The following KCNH1 variants were observed in gnomAD, a reference collection of about 807,000 sequenced individuals.
The protein encoded by KCNH1 is voltage-gated delayed rectifier potassium channel KCNH1.
Under a neutral mutation model 69.2 loss-of-function variants are expected in KCNH1, and 27 were observed. The observed-to-expected ratio is 0.39, with a 90% CI of 0.29 to 0.54. KCNH1 has a LOEUF of 0.54. Among genes scored for constraint, KCNH1 ranks in the 20% least tolerant of loss-of-function variants. The pLI is 0.68. For missense variants in KCNH1, 798 were observed against 1,261.6 expected (o/e 0.63, Z 5.57); for synonymous variants, 456 against 487.7 (o/e 0.93, Z 0.86).
intron 7 of KCNH1, among the ~76,000 whole-genome samples, chr1:210,814,454 C>T (rs938861028): frequency 1.3e-5 from 2 of 152,088 alleles, no homozygotes; most frequent in Admixed American, 1.3e-4. Context: ...TGTTACCTCA[C>T]TAAGTTTATC....
At chr1:210,857,113 C>A (rs1685866730) in intron 7 of KCNH1, among the ~76,000 whole-genome samples, 6 of 151,560 alleles carry the variant, frequency 4.0e-5, no homozygotes, top group Admixed American at 4.0e-4. Context: ...TTAACAAGAC[C>A]CTCAGGTGAT....
intron 10 of KCNH1, among the ~76,000 whole-genome samples, chr1:210,769,661 G>A (rs928106500): frequency 1.3e-5 from 2 of 152,334 alleles, no homozygotes; most frequent in African/African-American, 2.4e-5. Context: ...ACTGACTGCT[G>A]TTAATTACCT....
intron 5 of KCNH1, among the ~76,000 whole-genome samples, chr1:211,060,863 G>A (rs966609838): frequency 4.6e-5 from 7 of 151,998 alleles, no homozygotes; most frequent in African/African-American, 1.2e-4. Flanking sequence ...ATGGCTTCAC[G>A]CTTAATTTTA....
intron 5 of KCNH1, among the ~76,000 whole-genome samples, chr1:211,053,990 CTGGGCATGG>C (rs1303187643): frequency 1.2e-4 from 19 of 152,094 alleles, no homozygotes; most frequent in Admixed American, 1.0e-3. Flanking sequence ...AGACATTTGG[CTGGGCATGG>C]TGGCTCACAC....
At chr1:210,921,996 G>A (rs927631222) in intron 6 of KCNH1, among the ~76,000 whole-genome samples, 1 of 152,074 alleles carries the variant, frequency 6.6e-6, no homozygotes, top group Admixed American at 6.6e-5. Flanking sequence ...ACGTAGCATA[G>A]CCTTGTCAAT....
chr1:210,994,382 G>A (rs1487755166), intron 6 of KCNH1, among the ~76,000 whole-genome samples: 1 of 152,108 alleles, frequency 6.6e-6, no homozygotes, highest in Non-Finnish European at 1.5e-5. Flanking sequence ...CTTCTCACTA[G>A]TCAAATTGAG....
At chr1:210,840,179 C>T (rs888746096) in intron 7 of KCNH1, among the ~76,000 whole-genome samples, 5 of 152,126 alleles carry the variant, frequency 3.3e-5, no homozygotes, top group African/African-American at 7.2e-5. Flanking sequence ...GTAAAGGCAA[C>T]GTACACACCT....
At chr1:210,797,369 G>T in intron 9 of KCNH1, 139 bp downstream of exon 9, 1 of 927,448 alleles carries the variant, frequency 1.1e-6, no homozygotes, top group Non-Finnish European at 1.7e-6. Flanking sequence ...CCGTTTGATT[G>T]TTGGATAGAT....
intron 8 of KCNH1, among the ~76,000 whole-genome samples, chr1:210,803,321 C>T (rs946688796): frequency 6.6e-6 from 1 of 152,146 alleles, no homozygotes; most frequent in Non-Finnish European, 1.5e-5. Flanking sequence ...AGGCTGGTCT[C>T]AAACTCCTGA....
intron 10 of KCNH1, among the ~76,000 whole-genome samples, chr1:210,731,819 C>G (rs1682754151): frequency 6.6e-6 from 1 of 152,144 alleles, no homozygotes; most frequent in Non-Finnish European, 1.5e-5. Context: ...GTGAGAGAAT[C>G]AACATATGAA....
intron 7 of KCNH1, among the ~76,000 whole-genome samples, chr1:210,855,047 C>G (rs1685801911): frequency 6.6e-6 from 1 of 152,136 alleles, no homozygotes; most frequent in African/African-American, 2.4e-5. Context: ...ATATCACCTG[C>G]ATACAAATGT....
intron 4 of KCNH1, among the ~76,000 whole-genome samples, chr1:211,084,266 A>C (rs1261133134): frequency 1.3e-5 from 2 of 152,216 alleles, no homozygotes; most frequent in East Asian, 3.8e-4. Flanking sequence ...GGCAGGCTCT[A>C]CTTCAGCTTA....
At chr1:210,717,987 A>G (rs1455800126) in intron 10 of KCNH1, among the ~76,000 whole-genome samples, 1 of 151,832 alleles carries the variant, frequency 6.6e-6, no homozygotes, top group African/African-American at 2.4e-5. Context: ...TGCACCTTTA[A>G]TGCCAGCTAC....
intron 7 of KCNH1, among the ~76,000 whole-genome samples, chr1:210,826,823 G>T (rs1282707929): frequency 6.6e-6 from 1 of 152,196 alleles, no homozygotes; most frequent in East Asian, 1.9e-4. Flanking sequence ...TTTGTGTGCA[G>T]AACCCAGTGA....
Position 210,723,991 on chromosome 1 carries a change from T to G in KCNH1, c.2113-39853A>C, listed in dbSNP as rs140141425. On this transcript the variant is annotated intron_variant, in intron 10 of 10. Coordinates refer to ENST00000271751, the MANE Select transcript of KCNH1 (RefSeq NM_172362.3). ...TCCCACTGTGGCCGGGGAAAGAGTA[T>G]GGCCTGTGTCATTCAAGGTTACCAG... Among the ~76,000 whole-genome samples, 441 of 152,312 alleles carry G rather than the reference T, an allele frequency of 2.9e-3. 1 individual carries two copies. Among genetic ancestry groups the G allele is most frequent in the African/African-American group, 0.01 (419 of 41,568 alleles).
At chr1:210,770,832 C>G (rs1331746800) in intron 10 of KCNH1, among the ~76,000 whole-genome samples, 1 of 152,216 alleles carries the variant, frequency 6.6e-6, no homozygotes. Flanking sequence ...AATATGGGAA[C>G]AGCTGAGAGC....
chr1:211,133,961 G>C lies in KCNH1; in HGVS notation c.-16C>G. 6.2e-7 allele frequency: 1 copy of C among 1,605,076 alleles called. No individual in the cohort carries two copies. On this transcript the variant is annotated 5_prime_UTR_variant, in exon 1 of 11. Coordinates refer to ENST00000271751, the MANE Select transcript of KCNH1 (RefSeq NM_172362.3). The surrounding 1 kb of genome is among the most constrained non-coding windows in gnomAD (Gnocchi z 5.4). The stretch of plus-strand genomic sequence containing the variant: ...CCATGGTCATCCTCCCAGCAGCTCG[G>C]GGTCCGGCGGGCGTCCTGGCGCGGC...
chr1:210,766,483 C>A (rs1158751027), intron 10 of KCNH1, among the ~76,000 whole-genome samples: 1 of 152,008 alleles, frequency 6.6e-6, no homozygotes, highest in Non-Finnish European at 1.5e-5. Context: ...CAAGATCATA[C>A]CATTGCACTC....
chr1:211,016,901 T>A, intron 6 of KCNH1, among the ~76,000 whole-genome samples: 1 of 31,622 alleles, frequency 3.2e-5, no homozygotes, highest in Non-Finnish European at 5.6e-5. Flanking sequence ...AGAGCAAGAC[T>A]CTGTCTCAAA....
Sources: allele counts gnomAD v4.1 joint callset (sites outside exome capture counted in the v4.1 genomes callset), GRCh38; gene constraint gnomAD v4.1.1; non-coding constraint Gnocchi (gnomAD v3.1); transcripts MANE v1.5; gene names NCBI Gene and HGNC (gene_info 2026-07-23, HGNC 2026-07-21).